The following DSCAM variants were observed in gnomAD, a reference collection of about 807,000 sequenced individuals.
The protein encoded by DSCAM is DS cell adhesion molecule, also known as cell adhesion molecule DSCAM.
A neutral mutation model predicts 217.7 loss-of-function variants in DSCAM; 47 were observed. The observed-to-expected ratio is 0.22, with a 90% CI of 0.17 to 0.28. DSCAM has a LOEUF of 0.28. DSCAM is among the 10% of genes least tolerant of loss of function. The probability of loss-of-function intolerance (pLI) is 1.00; values close to 1 mark genes in which losing one functional copy is unlikely to be tolerated. For synonymous variants in DSCAM, 1,056 were observed against 1,015.3 expected (o/e 1.04, Z -0.76); for missense variants, 2,080 against 2,618.3 (o/e 0.79, Z 4.49).
chr21:40,044,985 G>C (rs1321320141), intron 30 of DSCAM, among the ~76,000 whole-genome samples: 2 of 152,162 alleles, frequency 1.3e-5, no homozygotes. Context: ...AATTAGCTAA[G>C]ACAAGGTCAT....
At chr21:40,397,789 GCTA>G (rs917411321) in intron 3 of DSCAM, among the ~76,000 whole-genome samples, 2 of 151,610 alleles carry the variant, frequency 1.3e-5, no homozygotes, top group African/African-American at 4.9e-5. Context: ...CCACTACTAT[GCTA>G]CTACTATTAC....
At chr21:40,607,066 C>G (rs1006159229) in intron 3 of DSCAM, among the ~76,000 whole-genome samples, 2 of 152,178 alleles carry the variant, frequency 1.3e-5, no homozygotes, top group East Asian at 3.9e-4. Context: ...ATTACCCAGT[C>G]TTGGGTATGT....
intron 30 of DSCAM, among the ~76,000 whole-genome samples, chr21:40,050,309 G>A (rs2088908324): frequency 6.6e-6 from 1 of 152,170 alleles, no homozygotes. Context: ...GAATGCTGAA[G>A]CCAATGCTGC....
At position 40,144,340 on chromosome 21, in the gene DSCAM, C is replaced by G; in HGVS notation, c.3259+151G>C. The G allele has an allele frequency of 7.7e-7, 1 of 1,302,050 alleles. No homozygotes were observed. The highest frequency in any genetic ancestry group is 1.4e-5 in the South Asian group (1 of 71,078). 80.7% of individuals were successfully genotyped at this position (1,302,050 alleles called of 1,614,324 possible). ...CAGATCAGCGGGGTGGGCGAGGTCA[C>G]GAGGGAAGGCTTTTCCACCCGAGAC... On this transcript the variant is annotated intron_variant, in intron 17 of 32. Coordinates refer to ENST00000400454, the MANE Select transcript of DSCAM (RefSeq NM_001389.5). The surrounding 1 kb of genome is among the most constrained non-coding windows in gnomAD (Gnocchi z 4.8).
chr21:40,506,738 G>C (rs2076213017), intron 3 of DSCAM, among the ~76,000 whole-genome samples: 1 of 152,182 alleles, frequency 6.6e-6, no homozygotes, highest in African/African-American at 2.4e-5. Context: ...CCAGGAAGAA[G>C]CGTTTTTAAA....
intron 3 of DSCAM, among the ~76,000 whole-genome samples, chr21:40,420,396 G>A (rs2075411997): frequency 6.6e-6 from 1 of 152,112 alleles, no homozygotes. Flanking sequence ...CAGAATGCCT[G>A]GTATTTATAA....
At chr21:40,429,404 T>C (rs2145891686) in intron 3 of DSCAM, among the ~76,000 whole-genome samples, 1 of 152,000 alleles carries the variant, frequency 6.6e-6, no homozygotes, top group Non-Finnish European at 1.5e-5. Flanking sequence ...GTAGCTGGGG[T>C]TATAGGCATG....
At position 40,011,758 on chromosome 21, in the gene DSCAM, T is replaced by G. The variant is rs2088059243; in HGVS notation, c.*1276A>C. 1 of 152,212 alleles carries G rather than the reference T, an allele frequency of 6.6e-6. No individual in the cohort carries two copies. Among genetic ancestry groups the G allele is most frequent in the Non-Finnish European group, 1.5e-5 (1 of 68,030 alleles). The allele number at this position is 152,212 out of a possible 1,614,324, so 9.4% of individuals were successfully genotyped here. A position where few individuals can be genotyped will look rare whatever the true frequency, so the allele number is the denominator to read the frequency against. On this transcript the variant is annotated 3_prime_UTR_variant, in exon 33 of 33. Coordinates refer to ENST00000400454, the MANE Select transcript of DSCAM (RefSeq NM_001389.5). ...AGATTTTAGAGGAACATCACTTTCC[T>G]CTGGTTACAGAGGATTCAGGCAATG...
chr21:40,380,591 G>A (rs2075010046), intron 3 of DSCAM, among the ~76,000 whole-genome samples: 2 of 152,306 alleles, frequency 1.3e-5, no homozygotes, highest in Non-Finnish European at 1.5e-5. Context: ...GGGGTTTGGA[G>A]TGGGGTGTGT....
At chr21:40,736,330 C>T (rs2091063020) in intron 1 of DSCAM, among the ~76,000 whole-genome samples, 1 of 152,050 alleles carries the variant, frequency 6.6e-6, no homozygotes, top group Admixed American at 6.6e-5. Flanking sequence ...CATCATTGGC[C>T]ATTGGTAACT....
At chr21:40,419,140 T>G (rs1326747935) in intron 3 of DSCAM, among the ~76,000 whole-genome samples, 1 of 8,578 alleles carries the variant, frequency 1.2e-4, no homozygotes, top group Non-Finnish European at 2.0e-4. Context: ...CCGGCTAGCT[T>G]TTTTTTTTTT....
chr21:40,530,829 G>A (rs2076438221), intron 3 of DSCAM, among the ~76,000 whole-genome samples: 1 of 151,912 alleles, frequency 6.6e-6, no homozygotes, highest in African/African-American at 2.4e-5. Flanking sequence ...CATCCGTGGT[G>A]TCCATCAAAG....
At chr21:40,051,256 A>T (rs1324585617) in intron 30 of DSCAM, among the ~76,000 whole-genome samples, 1 of 152,246 alleles carries the variant, frequency 6.6e-6, no homozygotes, top group East Asian at 1.9e-4. Context: ...GAACGATTCC[A>T]ATTATGAAGA....
intron 1 of DSCAM, among the ~76,000 whole-genome samples, chr21:40,711,709 G>C (rs770290251): frequency 1.3e-5 from 2 of 152,206 alleles, no homozygotes; most frequent in Non-Finnish European, 2.9e-5. Context: ...GGAATGACTG[G>C]TCAAAGGTGG....
chr21:40,382,075 T>C (rs970739971), intron 3 of DSCAM, among the ~76,000 whole-genome samples: 1 of 152,248 alleles, frequency 6.6e-6, no homozygotes, highest in African/African-American at 2.4e-5. Flanking sequence ...AGTGATGGAA[T>C]TGTTACTTTT....
At chr21:40,774,228 G>T (rs1601243256) in intron 1 of DSCAM, among the ~76,000 whole-genome samples, 1 of 152,360 alleles carries the variant, frequency 6.6e-6, no homozygotes, top group South Asian at 2.1e-4. Flanking sequence ...GATGTAGAGT[G>T]AAAGAGCATA....
chr21:40,201,791 G>T (rs2091072930), intron 11 of DSCAM, among the ~76,000 whole-genome samples: 1 of 152,128 alleles, frequency 6.6e-6, no homozygotes, highest in Non-Finnish European at 1.5e-5. Context: ...AATAGATTTT[G>T]ATTTCCTGCC....
At chr21:40,539,965 C>G (rs1002614077) in intron 3 of DSCAM, among the ~76,000 whole-genome samples, 2 of 152,180 alleles carry the variant, frequency 1.3e-5, no homozygotes, top group African/African-American at 2.4e-5. Flanking sequence ...GCCAAAAAAC[C>G]TGTCCTTACT....
intron 3 of DSCAM, among the ~76,000 whole-genome samples, chr21:40,422,363 C>T (rs1395141396): frequency 2.0e-5 from 3 of 152,194 alleles, no homozygotes; most frequent in African/African-American, 7.2e-5. Flanking sequence ...AGCACAGTGG[C>T]TCACTCCTAT....
Sources: gnomAD v4.1 joint callset for allele counts (sites outside exome capture counted in the v4.1 genomes callset) on GRCh38, gnomAD v4.1.1 for gene constraint, Gnocchi (gnomAD v3.1) non-coding constraint, MANE v1.5 for transcripts, NCBI Gene and HGNC (gene_info 2026-07-23, HGNC 2026-07-21) for gene names.